Variants in NOSTRIN observed in about 807,000 individuals in gnomAD.
NOSTRIN encodes BM247 homolog.
In NOSTRIN, 63 loss-of-function variants were observed where a neutral mutation model predicts 59.0. That is an observed-to-expected ratio of 1.07 (90% CI 0.87 to 1.32). The LOEUF (loss-of-function observed/expected upper bound fraction) is 1.32, where lower values mean the gene tolerates loss of function less well. NOSTRIN is among the 40% of genes most tolerant of loss of function. NOSTRIN has a pLI of 0.00. For synonymous variants in NOSTRIN, 200 were observed against 165.4 expected, an observed-to-expected ratio of 1.21 and a Z score of -1.61; for missense variants, 512 against 473.1, an observed-to-expected ratio of 1.08 and a Z score of -0.76.
At chr2:168,862,844 C>T (rs1054437171) in intron 15 of NOSTRIN, among the ~76,000 whole-genome samples, 6 of 152,214 alleles carry the variant, frequency 3.9e-5, no homozygotes, top group African/African-American at 1.2e-4. Flanking sequence ...GAAAGAGTAA[C>T]GTTATGGGAG....
upstream of NOSTRIN, among the ~76,000 whole-genome samples, chr2:168,799,657 C>G (rs532226675): frequency 2.6e-5 from 4 of 152,254 alleles, no homozygotes; most frequent in East Asian, 7.7e-4. Context: ...CAGCCCTTAT[C>G]CGTCTAGAGT....
upstream of NOSTRIN, among the ~76,000 whole-genome samples, chr2:168,800,401 A>C (rs1685580846): frequency 1.3e-5 from 2 of 152,176 alleles, no homozygotes; most frequent in Non-Finnish European, 2.9e-5. Flanking sequence ...TGCACATTCA[A>C]ACATTCCTCC....
chr2:168,833,645 G>A (rs1168781949), intron 6 of NOSTRIN, among the ~76,000 whole-genome samples: 1 of 152,102 alleles, frequency 6.6e-6, no homozygotes, highest in African/African-American at 2.4e-5. Flanking sequence ...AACAGGGTAG[G>A]GAGACTCTTG....
chr2:168,800,945 A>C (rs557031818), upstream of NOSTRIN: 2 of 146,730 alleles, frequency 1.4e-5, no homozygotes, highest in Admixed American at 6.8e-5. Flanking sequence ...GGGTGTTGCT[A>C]TGTTGACCAG....
chr2:168,801,551 C>T (rs1380580330), upstream of NOSTRIN, among the ~76,000 whole-genome samples: 1 of 152,126 alleles, frequency 6.6e-6, no homozygotes, highest in Non-Finnish European at 1.5e-5. Context: ...ATGGAGCCTG[C>T]ACACCAGGGG....
chr2:168,787,336 C>A (rs984022678), intron 1 of NOSTRIN, among the ~76,000 whole-genome samples: 5 of 152,178 alleles, frequency 3.3e-5, no homozygotes, highest in African/African-American at 1.2e-4. Context: ...ATGTGCCATG[C>A]CTGTGACAGC....
rs1334479451 is a variant in NOSTRIN at position 168,788,049 on chromosome 2, G to A, written c.-473+1G>A. 1 of 151,840 alleles carries A rather than the reference G, an allele frequency of 6.6e-6. No individual in the cohort carries two copies. The highest frequency in any genetic ancestry group is 2.4e-5 in the African/African-American group (1 of 41,286). 9.4% of individuals were successfully genotyped at this position (151,840 alleles called of 1,614,324 possible). The stretch of plus-strand genomic sequence containing the variant: ...AGCAAAGAAAATAGTGATAAGAAAG[G>A]TAAGTGATAAGAAAAAAAAAATGAT... On this transcript the variant is annotated splice_donor_variant, in intron 2 of 20. Coordinates refer to the NOSTRIN transcript ENST00000458381. LOFTEE classifies it low-confidence loss of function (5UTR_SPLICE).
At chr2:168,858,513 G>C (rs1294780880) in intron 12 of NOSTRIN, among the ~76,000 whole-genome samples, 1 of 152,170 alleles carries the variant, frequency 6.6e-6, no homozygotes, top group African/African-American at 2.4e-5. Context: ...AAAAATTGTT[G>C]AGAAAACTGG....
chr2:168,788,881 A>G (rs941830274), intron 2 of NOSTRIN, among the ~76,000 whole-genome samples: 2 of 145,888 alleles, frequency 1.4e-5, no homozygotes, highest in African/African-American at 5.1e-5. Context: ...GTATACACAC[A>G]CACAGATAAA....
At chr2:168,827,710 G>C (rs1233042156) in intron 3 of NOSTRIN, among the ~76,000 whole-genome samples, 1 of 151,832 alleles carries the variant, frequency 6.6e-6, no homozygotes, top group East Asian at 1.9e-4. Flanking sequence ...TAGGACTATG[G>C]GCGTGCATCA....
intron 8 of NOSTRIN, among the ~76,000 whole-genome samples, chr2:168,847,517 A>C (rs972582238): frequency 5.9e-5 from 9 of 152,222 alleles, no homozygotes; most frequent in African/African-American, 2.2e-4. Flanking sequence ...GTTCTATGAG[A>C]GTCATTTAAA....
At chr2:168,850,771 GGA>G in intron 8 of NOSTRIN, 1 of 657,396 alleles carries the variant, frequency 1.5e-6, no homozygotes, top group Non-Finnish European at 2.6e-6. Context: ...GGAATTCTCT[GGA>G]ATCCATGATT....
intron 2 of NOSTRIN, among the ~76,000 whole-genome samples, chr2:168,812,978 CA>C (rs1686227207): frequency 6.6e-6 from 1 of 151,730 alleles, no homozygotes; most frequent in Non-Finnish European, 1.5e-5. Flanking sequence ...TTATAAAGAA[CA>C]AAACCAGATT....
At chr2:168,798,836 C>T (rs942073906), upstream of NOSTRIN, among the ~76,000 whole-genome samples, 1 of 150,358 alleles carries the variant, frequency 6.7e-6, no homozygotes, top group Non-Finnish European at 1.5e-5. Flanking sequence ...GACAGACAGA[C>T]AGACAGACAG....
chr2:168,799,392 C>T (rs534443264), upstream of NOSTRIN, among the ~76,000 whole-genome samples: 66 of 152,302 alleles, frequency 4.3e-4, no homozygotes, highest in Non-Finnish European at 3.2e-4. Context: ...ACTCAGTCTC[C>T]TCCTCCCAAA....
At chr2:168,837,396 G>A (rs1396811346) in intron 7 of NOSTRIN, among the ~76,000 whole-genome samples, 6 of 127,258 alleles carry the variant, frequency 4.7e-5, no homozygotes, top group Non-Finnish European at 6.3e-5. Context: ...TGCAAGCTCC[G>A]CCTTCTGGGT....
chr2:168,802,534 T>A (rs1424989434), upstream of NOSTRIN: 1 of 767,466 alleles, frequency 1.3e-6, no homozygotes, highest in Non-Finnish European at 2.3e-6. Context: ...TGACAAGGAC[T>A]GACGTACTCT....
At chr2:168,837,358 G>A (rs1220048552) in intron 7 of NOSTRIN, among the ~76,000 whole-genome samples, 1 of 120,166 alleles carries the variant, frequency 8.3e-6, no homozygotes, top group African/African-American at 3.2e-5. Flanking sequence ...CGCCCAGGCT[G>A]GAGTGCAGTG....
At chr2:168,797,565 C>T (rs1685518730), upstream of NOSTRIN, among the ~76,000 whole-genome samples, 1 of 152,142 alleles carries the variant, frequency 6.6e-6, no homozygotes, top group South Asian at 2.1e-4. Flanking sequence ...AAGGACTTCC[C>T]ACTGGAAGGG....
Sources: gnomAD v4.1 joint callset for allele counts (sites outside exome capture counted in the v4.1 genomes callset) on GRCh38, gnomAD v4.1.1 for gene constraint, MANE v1.5 for transcripts, NCBI Gene and HGNC (gene_info 2026-07-23, HGNC 2026-07-21) for gene names.